Variants in MORC2 observed in about 807,000 individuals in gnomAD.
MORC2 encodes the protein MORC family CW-type zinc finger 2.
A neutral mutation model predicts 136.0 loss-of-function variants in MORC2; 30 were observed. The observed-to-expected ratio is 0.22, with a 90% CI of 0.17 to 0.30. The LOEUF is 0.30. Ranked by LOEUF, MORC2 falls within the 10% of genes least tolerant of loss-of-function variation. MORC2 has a pLI of 1.00. For synonymous variants in MORC2, 439 were observed against 487.0 expected (o/e 0.90, Z 1.30); for missense variants, 922 against 1,333.1 (o/e 0.69, Z 4.80).
At chr22:30,957,582 C>A (rs1041167705) in intron 2 of MORC2, among the ~76,000 whole-genome samples, 2 of 152,182 alleles carry the variant, frequency 1.3e-5, no homozygotes, top group Non-Finnish European at 2.9e-5. Context: ...AGTAGGAATA[C>A]ATACTCCTAA....
chr22:30,947,416 C>G (rs551724670), intron 5 of MORC2, among the ~76,000 whole-genome samples: 1 of 152,382 alleles, frequency 6.6e-6, no homozygotes, highest in African/African-American at 2.4e-5. Flanking sequence ...CAGCTCCTTT[C>G]TTCCAGCAGC....
chr22:30,950,656 T>C (rs1602500838), intron 3 of MORC2, among the ~76,000 whole-genome samples: 1 of 152,210 alleles, frequency 6.6e-6, no homozygotes, highest in South Asian at 2.1e-4. Context: ...ATGACAAAGC[T>C]TGGGAGAACC....
At chr22:30,947,083 G>A (rs1360233691) in intron 5 of MORC2, among the ~76,000 whole-genome samples, 1 of 152,196 alleles carries the variant, frequency 6.6e-6, no homozygotes, top group Non-Finnish European at 1.5e-5. Context: ...TATAATTCTT[G>A]ACCACAGGAT....
At position 30,941,787 on chromosome 22, in the gene MORC2, A is replaced by T; in HGVS notation, c.698+104T>A. 2.5e-6 allele frequency: 3 copies of T among 1,218,188 alleles called. No individual in the cohort carries two copies. Among genetic ancestry groups the T allele is most frequent in the Non-Finnish European group, 3.6e-6 (3 of 843,246 alleles). 75.5% of individuals were successfully genotyped at this position (1,218,188 alleles called of 1,614,324 possible). A position where few individuals can be genotyped will look rare whatever the true frequency, so the allele number is the denominator to read the frequency against. On this transcript the variant is annotated intron_variant, in intron 8 of 25. Transcript: ENST00000397641. The surrounding 1 kb of genome is among the most constrained non-coding windows in gnomAD (Gnocchi z 4.6). ...CTGGCCCTACATACTACCCTACCAC[A>T]GAACACTGGGCAATGAATGTGCTCT...
chr22:30,929,718 G>A (rs551936954), intron 24 of MORC2, among the ~76,000 whole-genome samples: 54 of 151,948 alleles, frequency 3.6e-4, no homozygotes, highest in Admixed American at 6.6e-4. Context: ...CCGAGATTGC[G>A]CCACTGCACT....
chr22:30,947,842 G>C (rs1024418796), intron 5 of MORC2, among the ~76,000 whole-genome samples: 1 of 152,124 alleles, frequency 6.6e-6, no homozygotes, highest in Non-Finnish European at 1.5e-5. Flanking sequence ...TCTGACTTTA[G>C]CCTTTGAATA....
intron 25 of MORC2, among the ~76,000 whole-genome samples, chr22:30,927,362 C>T (rs1292878003): frequency 6.6e-6 from 1 of 152,182 alleles, no homozygotes; most frequent in African/African-American, 2.4e-5. Flanking sequence ...AACTTTCAAG[C>T]CCTGCCTCTG....
At position 30,956,801 on chromosome 22, in the gene MORC2, C is replaced by T. The variant is rs1473979251; in HGVS notation, c.123-4G>A. The T allele has an allele frequency of 6.5e-7, 1 of 1,544,096 alleles. No homozygotes were observed. The highest frequency in any genetic ancestry group is 2.5e-5 in the East Asian group (1 of 40,742). ...TATTCTGGTGGCATCAGCATCTCTG[C>T]AAAGTGAAAAGAAAAGAATCATGTG... On this transcript the variant is annotated splice_polypyrimidine_tract_variant and splice_region_variant and intron_variant, in intron 2 of 25. Coordinates refer to ENST00000397641, the MANE Select transcript of MORC2 (RefSeq NM_001303256.3).
intron 16 of MORC2, 81 bp from the exon 17 acceptor site, chr22:30,936,724 ACTGT>A (rs2040658224): frequency 6.4e-7 from 1 of 1,550,430 alleles, no homozygotes; most frequent in Non-Finnish European, 8.7e-7. Flanking sequence ...GCCAGTCTAC[ACTGT>A]CTGTCACAAG....
At chr22:30,967,330 T>C in intron 1 of MORC2, 1 of 987,616 alleles carries the variant, frequency 1.0e-6, no homozygotes. Context: ...GTGAGCAATC[T>C]GCCAGGAAGA....
intron 1 of MORC2, chr22:30,967,186 A>C: frequency 1.0e-6 from 1 of 985,546 alleles, no homozygotes; most frequent in South Asian, 4.7e-5. Flanking sequence ...TGTTGGAGTG[A>C]TTAGATTACT....
At chr22:30,967,481 T>C in intron 1 of MORC2, 12 of 1,077,472 alleles carry the variant, frequency 1.1e-5, no homozygotes, top group Non-Finnish European at 1.4e-5. Flanking sequence ...AAACGGTTGA[T>C]ACTAAAATAG....
At chr22:30,949,353 A>G (rs990208607) in intron 5 of MORC2, among the ~76,000 whole-genome samples, 4 of 152,218 alleles carry the variant, frequency 2.6e-5, no homozygotes, top group Non-Finnish European at 4.4e-5. Context: ...ACAAAGCATG[A>G]CATGCAGCAG....
rs757157506 is a variant in MORC2, at chr22:30,928,149, C to T, written c.2900G>A (p.Ser967Asn). The change falls in exon 25 of 26, where the codon AGC becomes AAC. Residue 967 changes from serine (S) to asparagine (N), a missense_variant. Ser to Asn is a conservative substitution (Grantham distance 46). Around this residue, in one of 9 missense-constraint regions of MORC2, gnomAD observed 263 missense variants for 388.3 expected, o/e 0.68. Coordinates refer to ENST00000397641, the MANE Select transcript of MORC2 (RefSeq NM_001303256.3). The stretch of plus-strand genomic sequence containing the variant: ...GGCCTTGGCCCGGGAGTCAGCACGG[C>T]TCTGGTAGGAATTGCACAGGTTTTG... ...GLQNLCNSYQ[S>N]RADSRAKASE... 1 of 1,614,168 alleles carries T rather than the reference C, an allele frequency of 6.2e-7. No individual in the cohort carries two copies. The highest frequency in any genetic ancestry group is 1.3e-5 in the African/African-American group (1 of 75,042).
At chr22:30,933,376 G>A in intron 21 of MORC2, 90 bp downstream of exon 21, 1 of 1,420,260 alleles carries the variant, frequency 7.0e-7, no homozygotes, top group Non-Finnish European at 9.8e-7. Context: ...GATTCAATGA[G>A]CCTTTGGTAA....
Position 30,946,413 on chromosome 22 carries a change from G to T in MORC2, c.354C>A (p.Phe118Leu). The T allele has an allele frequency of 1.2e-6, 2 of 1,610,896 alleles. No individual in the cohort carries two copies. Among genetic ancestry groups the T allele is most frequent in the Non-Finnish European group, 1.7e-6 (2 of 1,178,504 alleles). ...SMRIGKDFIL[F>L]TKKEDTMTCL... The stretch of plus-strand genomic sequence containing the variant: ...AGGTCATGGTGTCTTCCTTCTTGGT[G>T]AACAGGATAAAATCCTTCCCAATGC... Residue 118 changes from phenylalanine (F) to leucine (L), a missense_variant, in exon 6 of 26, where the codon TTC becomes TTA. By Grantham distance (22) the Phe-to-Leu change is conservative. This residue lies in a region of MORC2 where 261 missense variants were observed against 354.3 expected (regional missense o/e 0.74). Transcript: ENST00000397641.
chr22:30,943,494 T>G (rs1319711089), intron 6 of MORC2, among the ~76,000 whole-genome samples: 1 of 152,158 alleles, frequency 6.6e-6, no homozygotes, highest in Non-Finnish European at 1.5e-5. Flanking sequence ...TTTAAAAAAA[T>G]CCTACTCTTT....
intron 4 of MORC2, 116 bp downstream of exon 4, chr22:30,950,261 G>C: frequency 2.9e-6 from 3 of 1,051,612 alleles, no homozygotes; most frequent in Non-Finnish European, 4.3e-6. Context: ...TCCCCAGGTG[G>C]ATCTTCTAGA....
At chr22:30,944,736 C>G (rs2040792163) in intron 6 of MORC2, among the ~76,000 whole-genome samples, 2 of 152,234 alleles carry the variant, frequency 1.3e-5, no homozygotes, top group Non-Finnish European at 2.9e-5. Flanking sequence ...GACTCCCCTG[C>G]TTCGCTTTCG....
Sources: gnomAD v4.1 joint callset for allele counts (sites outside exome capture counted in the v4.1 genomes callset) on GRCh38, gnomAD v4.1.1 for gene constraint, gnomAD v4.1.1 regional missense constraint, Gnocchi (gnomAD v3.1) non-coding constraint, MANE v1.5 for transcripts, NCBI Gene and HGNC (gene_info 2026-07-23, HGNC 2026-07-21) for gene names.